Variants in FHOD3 observed in about 807,000 individuals in gnomAD.
The protein encoded by FHOD3 is formin homology 2 domain containing 3.
Under a neutral mutation model 173.0 loss-of-function variants are expected in FHOD3, and 90 were observed. The observed-to-expected ratio is 0.52, with a 90% CI of 0.44 to 0.62. The LOEUF (loss-of-function observed/expected upper bound fraction) is 0.62. Among genes scored for constraint, FHOD3 ranks in the 20% least tolerant of loss-of-function variants. The probability of loss-of-function intolerance (pLI) is 0.00; values close to 1 mark genes in which losing one functional copy is unlikely to be tolerated. For missense variants in FHOD3, 1,945 were observed against 2,034.7 expected, an observed-to-expected ratio of 0.96 and a Z score of 0.85; for synonymous variants, 828 against 823.0, an observed-to-expected ratio of 1.01 and a Z score of -0.10.
intron 5 of FHOD3, among the ~76,000 whole-genome samples, chr18:36,531,807 G>A (rs778780856): frequency 1.3e-5 from 2 of 152,172 alleles, no homozygotes; most frequent in Admixed American, 6.5e-5. Flanking sequence ...CGGTCCTCTC[G>A]GAGGCAGGAT....
At chr18:36,467,327 T>C (rs1000793733) in intron 3 of FHOD3, among the ~76,000 whole-genome samples, 4 of 152,226 alleles carry the variant, frequency 2.6e-5, no homozygotes, top group Non-Finnish European at 4.4e-5. Context: ...AGCCATTGTG[T>C]GAAGAACATC....
chr18:36,574,782 A>G (rs1599716976), intron 5 of FHOD3, among the ~76,000 whole-genome samples: 1 of 152,270 alleles, frequency 6.6e-6, no homozygotes, highest in East Asian at 1.9e-4. Context: ...TCATTTAAAA[A>G]TTATTTCTGA....
At chr18:36,389,167 T>C (rs9941429) in intron 3 of FHOD3, among the ~76,000 whole-genome samples, 2 of 152,078 alleles carry the variant, frequency 1.3e-5, no homozygotes, top group Non-Finnish European at 1.5e-5. Context: ...TAAAGATGCA[T>C]TGATGCTTCA....
At chr18:36,320,889 C>T (rs1383903366) in intron 1 of FHOD3, among the ~76,000 whole-genome samples, 1 of 152,138 alleles carries the variant, frequency 6.6e-6, no homozygotes, top group Non-Finnish European at 1.5e-5. Context: ...GGCAGAAATC[C>T]TGAACTTCAG....
intron 7 of FHOD3, among the ~76,000 whole-genome samples, chr18:36,600,384 G>A (rs1167623481): frequency 1.3e-5 from 2 of 152,184 alleles, no homozygotes; most frequent in Non-Finnish European, 2.9e-5. Flanking sequence ...CCTAGGAAAT[G>A]TGCAAGTGCT....
At chr18:36,627,087 A>G (rs2034166165) in intron 10 of FHOD3, among the ~76,000 whole-genome samples, 1 of 152,222 alleles carries the variant, frequency 6.6e-6, no homozygotes, top group Non-Finnish European at 1.5e-5. Flanking sequence ...AAACTTCTAA[A>G]CATATTAAGG....
intron 17 of FHOD3, among the ~76,000 whole-genome samples, chr18:36,706,990 T>C: frequency 6.6e-6 from 1 of 152,194 alleles, no homozygotes; most frequent in East Asian, 1.9e-4. Context: ...AAATACTCTA[T>C]TATCAGATGA....
rs952963137 is a variant in FHOD3 at position 36,702,834 on chromosome 18, G to A, written c.2237-6261G>A. Among the ~76,000 whole-genome samples, 16 of 152,074 alleles carry A rather than the reference G, an allele frequency of 1.1e-4. 1 individual carries two copies. The highest frequency in any genetic ancestry group is 1.4e-4 in the African/African-American group (6 of 41,432). ...TGTGTGTGCGCGTGTGTGTGTGCAC[G>A]TGTGCGTACACGCTTAATTCCAGGA... is the stretch of plus-strand genomic sequence containing the variant. On this transcript the variant is annotated intron_variant, in intron 17 of 28. Transcript: ENST00000590592.
At chr18:36,573,576 C>T (rs936556157) in intron 5 of FHOD3, among the ~76,000 whole-genome samples, 3 of 152,110 alleles carry the variant, frequency 2.0e-5, no homozygotes, top group East Asian at 1.9e-4. Flanking sequence ...ACTGCTCCAA[C>T]GTGGGTGACA....
intron 5 of FHOD3, among the ~76,000 whole-genome samples, chr18:36,538,883 T>C (rs1237555230): frequency 2.0e-5 from 3 of 152,212 alleles, no homozygotes; most frequent in Non-Finnish European, 1.5e-5. Context: ...CTGCATGTGA[T>C]AAAATGATAT....
intron 3 of FHOD3, among the ~76,000 whole-genome samples, chr18:36,489,444 G>T (rs2145733659): frequency 6.6e-6 from 1 of 152,278 alleles, no homozygotes; most frequent in South Asian, 2.1e-4. Context: ...GCTCACTCCT[G>T]TAATCACAAC....
intron 2 of FHOD3, among the ~76,000 whole-genome samples, chr18:36,364,588 G>A (rs146008467): frequency 6.6e-6 from 1 of 152,306 alleles, no homozygotes; most frequent in Non-Finnish European, 1.5e-5. Flanking sequence ...TGGGTGTGCT[G>A]CTTTTAAAGA....
At chr18:36,441,075 T>C (rs993765511) in intron 3 of FHOD3, among the ~76,000 whole-genome samples, 4 of 152,198 alleles carry the variant, frequency 2.6e-5, no homozygotes, top group Non-Finnish European at 5.9e-5. Flanking sequence ...TTCTCTCTTA[T>C]AGATTCCTCA....
intron 5 of FHOD3, among the ~76,000 whole-genome samples, chr18:36,570,809 T>C (rs949154736): frequency 6.6e-6 from 1 of 152,124 alleles, no homozygotes; most frequent in African/African-American, 2.4e-5. Context: ...TTGACAAAAT[T>C]CATTCATTCA....
chr18:36,625,934 C>T (rs2034072503), intron 10 of FHOD3, among the ~76,000 whole-genome samples, 185 bp downstream of exon 10: 1 of 152,192 alleles, frequency 6.6e-6, no homozygotes, highest in Non-Finnish European at 1.5e-5. Flanking sequence ...AGGGTGGCCC[C>T]TGGCGACTTT....
intron 3 of FHOD3, among the ~76,000 whole-genome samples, chr18:36,479,373 G>C (rs967138950): frequency 6.6e-6 from 1 of 152,192 alleles, no homozygotes; most frequent in African/African-American, 2.4e-5. Context: ...GTCCCGGAGT[G>C]AGCTGCAATA....
At chr18:36,514,724 G>A (rs2055866480) in intron 5 of FHOD3, among the ~76,000 whole-genome samples, 1 of 152,180 alleles carries the variant, frequency 6.6e-6, no homozygotes, top group Admixed American at 6.5e-5. Context: ...TTACCTAGGA[G>A]CACATTTGTG....
At chr18:36,600,672 AC>A (rs1466963322) in intron 7 of FHOD3, among the ~76,000 whole-genome samples, 1 of 152,330 alleles carries the variant, frequency 6.6e-6, no homozygotes, top group East Asian at 1.9e-4. Context: ...TTAGATGCAC[AC>A]ATGTGCATGT....
At position 36,693,351 on chromosome 18, in the gene FHOD3, C is replaced by T. The variant is rs7238035; in HGVS notation, c.2164C>T (p.Pro722Ser). 3,832 of 1,613,946 alleles carry T rather than the reference C, an allele frequency of 2.4e-3. 46 individuals carry two copies. In the African/African-American group the frequency reaches 0.038, roughly 16 times the overall value. ...PACLAPLSHS[P>S]SSSDSQEALT... ...CTGCCTGGCTCCTCTGAGCCATAGC[C>T]CCTCATCTTCAGACTCTCAAGAGGC... The change falls in exon 17 of 29, where the codon CCC (proline) becomes TCC (serine). Residue 722 changes from proline to serine, a missense_variant. Coordinates refer to ENST00000590592, the MANE Select transcript of FHOD3 (RefSeq NM_001281740.3).
Sources: gnomAD v4.1 joint callset for allele counts (sites outside exome capture counted in the v4.1 genomes callset) on GRCh38, gnomAD v4.1.1 for gene constraint, MANE v1.5 for transcripts, NCBI Gene and HGNC (gene_info 2026-07-23, HGNC 2026-07-21) for gene names.